The following GTF2F2 variants were observed in gnomAD, a reference collection of about 807,000 sequenced individuals.
GTF2F2 encodes ATP-dependent helicase GTF2F2.
Under a neutral mutation model 42.2 loss-of-function variants are expected in GTF2F2, and 23 were observed. The observed-to-expected ratio is 0.55, with a 90% CI of 0.39 to 0.77. GTF2F2 has a LOEUF of 0.77. GTF2F2 is among the 30% of genes least tolerant of loss of function. The pLI, the probability that GTF2F2 is intolerant of heterozygous loss-of-function variation, is 0.00. For missense variants in GTF2F2, 261 were observed against 287.2 expected (o/e 0.91, Z 0.66); for synonymous variants, 105 against 100.8 (o/e 1.04, Z -0.25).
intron 5 of GTF2F2, among the ~76,000 whole-genome samples, chr13:45,230,723 T>C (rs1874632419): frequency 6.6e-6 from 1 of 152,252 alleles, no homozygotes; most frequent in Non-Finnish European, 1.5e-5. Context: ...ATTATAACTT[T>C]ACTTTGAACT....
intron 7 of GTF2F2, among the ~76,000 whole-genome samples, chr13:45,280,562 A>T (rs952930587): frequency 1.3e-4 from 20 of 152,158 alleles, no homozygotes; most frequent in African/African-American, 4.3e-4. Context: ...CCCTGATTGC[A>T]TTTTGTTGCT....
intron 6 of GTF2F2, among the ~76,000 whole-genome samples, chr13:45,256,863 A>G (rs1296105734): frequency 6.6e-6 from 1 of 152,182 alleles, no homozygotes. Flanking sequence ...TTATATAAAC[A>G]TGAAGCTCAG....
At chr13:45,151,079 T>A (rs1870468154) in intron 3 of GTF2F2, among the ~76,000 whole-genome samples, 1 of 152,174 alleles carries the variant, frequency 6.6e-6, no homozygotes, top group South Asian at 2.1e-4. Context: ...GTCACCCAAA[T>A]AGTGAACATG....
intron 7 of GTF2F2, among the ~76,000 whole-genome samples, chr13:45,277,987 G>A (rs2138277036): frequency 6.6e-6 from 1 of 152,236 alleles, no homozygotes; most frequent in South Asian, 2.1e-4. Flanking sequence ...CCCTGTCAAA[G>A]GTGTATGTTT....
intron 5 of GTF2F2, among the ~76,000 whole-genome samples, chr13:45,221,960 C>G (rs1330384260): frequency 1.3e-5 from 2 of 152,030 alleles, no homozygotes; most frequent in Non-Finnish European, 2.9e-5. Flanking sequence ...CCCTTCCAAC[C>G]ATGCAGTTCT....
At chr13:45,235,519 A>G (rs1226630002) in intron 5 of GTF2F2, among the ~76,000 whole-genome samples, 3 of 151,862 alleles carry the variant, frequency 2.0e-5, no homozygotes, top group East Asian at 1.9e-4. Flanking sequence ...TGAAATGCTA[A>G]TGAAATTAGC....
chr13:45,157,832 C>T (rs1366254364), intron 4 of GTF2F2, among the ~76,000 whole-genome samples: 2 of 152,114 alleles, frequency 1.3e-5, no homozygotes, highest in African/African-American at 4.8e-5. Context: ...TGTCCACCTG[C>T]CTCGGCCTCC....
chr13:45,149,874 G>GA, intron 3 of GTF2F2, 86 bp downstream of exon 3: 1 of 1,303,330 alleles, frequency 7.7e-7, no homozygotes, highest in Non-Finnish European at 1.0e-6. Context: ...TTGAATTTTG[G>GA]AAAACTCCAC....
intron 7 of GTF2F2, among the ~76,000 whole-genome samples, chr13:45,282,052 T>G (rs1164159152): frequency 6.6e-6 from 1 of 151,854 alleles, no homozygotes; most frequent in Non-Finnish European, 1.5e-5. Flanking sequence ...TACAAAAAAT[T>G]TAGCTGGGCG....
intron 4 of GTF2F2, among the ~76,000 whole-genome samples, chr13:45,182,055 C>T (rs1217845493): frequency 6.6e-6 from 1 of 152,134 alleles, no homozygotes; most frequent in African/African-American, 2.4e-5. Flanking sequence ...TTATGTAGCC[C>T]CTTCTTCTTC....
chr13:45,282,529 A>T (rs1326949904), intron 7 of GTF2F2, among the ~76,000 whole-genome samples: 1 of 152,126 alleles, frequency 6.6e-6, no homozygotes, highest in Non-Finnish European at 1.5e-5. Flanking sequence ...TTTGAGACAG[A>T]GTTTCACTGT....
intron 6 of GTF2F2, among the ~76,000 whole-genome samples, chr13:45,263,079 C>T (rs1477954065): frequency 1.3e-5 from 2 of 151,950 alleles, no homozygotes; most frequent in South Asian, 2.1e-4. Flanking sequence ...TTAAACAGTC[C>T]CTGAGGACAT....
At chr13:45,128,820 C>G (rs1038931835) in intron 1 of GTF2F2, among the ~76,000 whole-genome samples, 2 of 152,062 alleles carry the variant, frequency 1.3e-5, no homozygotes, top group Non-Finnish European at 2.9e-5. Flanking sequence ...TCTCGAACTC[C>G]TGGCTCAAGT....
chr13:45,190,399 G>T (rs1035267480), intron 4 of GTF2F2, among the ~76,000 whole-genome samples: 2 of 152,180 alleles, frequency 1.3e-5, no homozygotes, highest in African/African-American at 2.4e-5. Flanking sequence ...CCTTGTGAAT[G>T]CCTGTTTTCT....
rs890404064 is a variant in GTF2F2 at position 45,186,722 on chromosome 13, G to A, written c.305-20702G>A. ...CAGTAAGTGATAGAAGATAAATCAA[G>A]TCAAAATTAGTATCACTCAACATTT... is the stretch of plus-strand genomic sequence containing the variant. On this transcript the variant is annotated intron_variant, in intron 4 of 7. Transcript: ENST00000340473. Among the ~76,000 whole-genome samples, 4 of 152,118 alleles carry A rather than the reference G, an allele frequency of 2.6e-5. No individual in the cohort carries two copies. In the South Asian group the frequency reaches 8.3e-4, roughly 31 times the overall value.
intron 5 of GTF2F2, among the ~76,000 whole-genome samples, chr13:45,212,804 C>T (rs1015493414): frequency 1.4e-4 from 21 of 151,796 alleles, no homozygotes; most frequent in Non-Finnish European, 2.8e-4. Flanking sequence ...TGCAGTGGTG[C>T]GATCTTGGCT....
chr13:45,124,006 G>T, intron 1 of GTF2F2: 1 of 1,089,436 alleles, frequency 9.2e-7, no homozygotes, highest in South Asian at 1.3e-5. Context: ...TGGTGGTCCA[G>T]GGGTCTTACT....
chr13:45,152,666 A>AT (rs1191364313), intron 4 of GTF2F2, among the ~76,000 whole-genome samples: 3 of 152,214 alleles, frequency 2.0e-5, no homozygotes, highest in African/African-American at 7.2e-5. Flanking sequence ...GAGTTTTAAG[A>AT]TTGTATGTGT....
At chr13:45,145,058 T>A (rs530350180) in intron 2 of GTF2F2, among the ~76,000 whole-genome samples, 1 of 152,150 alleles carries the variant, frequency 6.6e-6, no homozygotes, top group African/African-American at 2.4e-5. Flanking sequence ...TCTAGAGAGA[T>A]AGACAAATGA....
Sources: gnomAD v4.1 joint callset for allele counts (sites outside exome capture counted in the v4.1 genomes callset) on GRCh38, gnomAD v4.1.1 for gene constraint, MANE v1.5 for transcripts, NCBI Gene and HGNC (gene_info 2026-07-23, HGNC 2026-07-21) for gene names.